SLC25A26: variants seen among roughly 807,000 people sequenced by gnomAD.
SLC25A26 encodes mitochondrial S-adenosylmethionine carrier protein.
In SLC25A26, 36 loss-of-function variants were observed where a neutral mutation model predicts 37.8. That is an observed-to-expected ratio of 0.95 (90% CI 0.73 to 1.26). The LOEUF (loss-of-function observed/expected upper bound fraction) is 1.26, where lower values mean the gene tolerates loss of function less well. SLC25A26 is among the 50% of genes most tolerant of loss of function. The pLI is 0.00. For synonymous variants in SLC25A26, 129 were observed against 122.5 expected, an observed-to-expected ratio of 1.05 and a Z score of -0.35; for missense variants, 390 against 331.1, an observed-to-expected ratio of 1.18 and a Z score of -1.38.
intron 9 of SLC25A26, among the ~76,000 whole-genome samples, chr3:66,372,670 C>A (rs1343449613): frequency 6.6e-6 from 1 of 152,160 alleles, no homozygotes; most frequent in East Asian, 1.9e-4. Context: ...GCGGTCGTCA[C>A]TTAAGGGAGT....
intron 5 of SLC25A26, among the ~76,000 whole-genome samples, chr3:66,338,454 G>T (rs2076138230): frequency 6.6e-6 from 1 of 151,856 alleles, no homozygotes; most frequent in Admixed American, 6.6e-5. Context: ...GGTTTTCTCA[G>T]TCTTTTGATT....
intron 5 of SLC25A26, among the ~76,000 whole-genome samples, chr3:66,274,962 T>A (rs1322350232): frequency 9.2e-5 from 14 of 152,134 alleles, no homozygotes; most frequent in Non-Finnish European, 1.5e-4. Flanking sequence ...GTATGTTTAT[T>A]GCGGCACTAT....
chr3:66,220,913 C>G (rs2071454441), upstream of SLC25A26: 1 of 671,016 alleles, frequency 1.5e-6, no homozygotes, highest in African/African-American at 1.9e-5. Flanking sequence ...CCCGCCCCTC[C>G]TCTCTGGCCC....
chr3:66,147,294 G>T (rs1330686167), intron 1 of SLC25A26, among the ~76,000 whole-genome samples: 1 of 151,124 alleles, frequency 6.6e-6, no homozygotes, highest in African/African-American at 2.4e-5. Context: ...CTCCCAAGTA[G>T]CTGGGACTAC....
At chr3:66,150,544 T>A (rs1175324403) in intron 1 of SLC25A26, among the ~76,000 whole-genome samples, 58 of 111,172 alleles carry the variant, frequency 5.2e-4, no homozygotes, top group South Asian at 8.1e-4. Flanking sequence ...TATATATATA[T>A]AAAATATATA....
At chr3:66,264,344 T>C (rs549313274) in intron 5 of SLC25A26, among the ~76,000 whole-genome samples, 136 of 152,148 alleles carry the variant, frequency 8.9e-4, no homozygotes, top group African/African-American at 3.1e-3. Context: ...GAGGAACTAA[T>C]GAAAAATTGG....
intron 1 of SLC25A26, among the ~76,000 whole-genome samples, chr3:66,169,933 G>A (rs1265525769): frequency 6.6e-6 from 1 of 152,186 alleles, no homozygotes; most frequent in Non-Finnish European, 1.5e-5. Context: ...GGGGAGAAGA[G>A]CAATAATTTT....
chr3:66,220,796 G>A (rs921006426), upstream of SLC25A26: 7 of 497,474 alleles, frequency 1.4e-5, no homozygotes. Context: ...TCTCGGCCAC[G>A]GATCTTTTGC....
In SLC25A26 at chr3:66,243,278, T is replaced by G. The variant is rs1353267607; in HGVS notation, c.266T>G (p.Met89Arg). 5 of 1,608,228 alleles carry G rather than the reference T, an allele frequency of 3.1e-6. No homozygotes were observed. The highest frequency in any genetic ancestry group is 1.7e-5 in the Admixed American group (1 of 59,784). The change falls in exon 3 of 10, where the codon ATG (methionine) becomes AGG (arginine). Residue 89 changes from methionine (M) to arginine (R), a missense_variant. By Grantham distance (91) the Met-to-Arg change is moderately conservative. Coordinates refer to ENST00000354883, the MANE Select transcript of SLC25A26 (RefSeq NM_001379210.1). The part of the protein sequence containing the change: ...HADSSSYLTP[M>R]KHMLAASAGE... ...GATTCATCTTCATATTTGACACCTA[T>G]GAAACATATGTTGGCTGCCTCTGCT... is the stretch of plus-strand genomic sequence containing the variant.
At chr3:66,150,601 GAGATATATATAT>G (rs2070188993) in intron 1 of SLC25A26, among the ~76,000 whole-genome samples, 3 of 40,838 alleles carry the variant, frequency 7.3e-5, no homozygotes, top group African/African-American at 2.7e-4. Flanking sequence ...TATATGTAAT[GAGATATATATAT>G]ATATATATAT....
At chr3:66,210,542 G>A (rs962806809) in intron 1 of SLC25A26, among the ~76,000 whole-genome samples, 2 of 151,952 alleles carry the variant, frequency 1.3e-5, no homozygotes, top group African/African-American at 2.4e-5. Flanking sequence ...TGAGATGGGG[G>A]TCTCACTCTG....
At chr3:66,235,283 C>T (rs545588083) in intron 1 of SLC25A26, among the ~76,000 whole-genome samples, 2 of 152,172 alleles carry the variant, frequency 1.3e-5, no homozygotes, top group Non-Finnish European at 2.9e-5. Context: ...AAATATTCTA[C>T]ATATTTGTCA....
At chr3:66,350,286 A>G (rs930685338) in intron 6 of SLC25A26, among the ~76,000 whole-genome samples, 3 of 152,130 alleles carry the variant, frequency 2.0e-5, no homozygotes, top group Non-Finnish European at 2.9e-5. Flanking sequence ...CTCTGTCTAA[A>G]AGTCATCATC....
chr3:66,161,155 T>C (rs549052836), intron 1 of SLC25A26, among the ~76,000 whole-genome samples: 1 of 151,102 alleles, frequency 6.6e-6, no homozygotes, highest in African/African-American at 2.5e-5. Flanking sequence ...TTTTCGGTTG[T>C]TGTTGTAAAA....
chr3:66,369,035 AAAAAAAAACAAAAACAAAAAAAAAAAAC>A (rs530421673), intron 7 of SLC25A26, among the ~76,000 whole-genome samples: 36,625 of 99,528 alleles, frequency 0.37, 5,726 homozygotes, highest in East Asian at 0.71. Context: ...CAAAAAAAAA[AAAAAAAAACAAAAACAAAAAAAAAAAAC>A]AAAAGACAGT....
chr3:66,170,201 T>C (rs1328878574), intron 1 of SLC25A26, among the ~76,000 whole-genome samples: 1 of 152,232 alleles, frequency 6.6e-6, no homozygotes, highest in Non-Finnish European at 1.5e-5. Flanking sequence ...GTGTAAGATA[T>C]GCAAAAATGG....
At chr3:66,297,450 A>G (rs567782235) in intron 5 of SLC25A26, among the ~76,000 whole-genome samples, 2 of 152,074 alleles carry the variant, frequency 1.3e-5, no homozygotes, top group South Asian at 4.2e-4. Context: ...AATGCATTCC[A>G]TTTGTGGCTG....
intron 1 of SLC25A26, among the ~76,000 whole-genome samples, chr3:66,205,128 C>T (rs2071160505): frequency 6.6e-6 from 1 of 152,164 alleles, no homozygotes; most frequent in African/African-American, 2.4e-5. Context: ...TTGAATGAAG[C>T]CTGCAATGTG....
chr3:66,314,321 A>G (rs1414057226), intron 5 of SLC25A26, among the ~76,000 whole-genome samples: 3 of 152,202 alleles, frequency 2.0e-5, no homozygotes, highest in East Asian at 1.9e-4. Flanking sequence ...GAGACATAAC[A>G]TGAAAGGATG....
Sources: gnomAD v4.1 joint callset for allele counts (sites outside exome capture counted in the v4.1 genomes callset) on GRCh38, gnomAD v4.1.1 for gene constraint, MANE v1.5 for transcripts, NCBI Gene and HGNC (gene_info 2026-07-23, HGNC 2026-07-21) for gene names.